Variants in PTGER3 observed in about 807,000 individuals in gnomAD.
PTGER3 encodes the protein prostaglandin E2 receptor EP3 subtype.
PTGER3 carries 22 observed loss-of-function variants against 34.7 expected under a neutral mutation model. That is an observed-to-expected ratio of 0.63 (90% CI 0.45 to 0.91). PTGER3 has a LOEUF of 0.91. Ranked by LOEUF, PTGER3 falls within the 40% of genes least tolerant of loss-of-function variation. The pLI is 0.00. For missense variants in PTGER3, 468 were observed against 519.4 expected (o/e 0.90, Z 0.96); for synonymous variants, 241 against 230.1 (o/e 1.05, Z -0.43).
chr1:70,909,288 G>A (rs372308166), intron 4 of PTGER3, among the ~76,000 whole-genome samples: 15 of 152,142 alleles, frequency 9.9e-5, no homozygotes, highest in East Asian at 3.8e-4. Context: ...ATTTCTGTGC[G>A]TGTTAACCAT....
intron 2 of PTGER3, chr1:71,007,698 T>C: frequency 1.0e-6 from 1 of 985,380 alleles, no homozygotes; most frequent in Non-Finnish European, 1.2e-6. Flanking sequence ...ATTACAACTT[T>C]GATTTCTACA....
chr1:70,934,702 C>T (rs561788207), intron 4 of PTGER3, among the ~76,000 whole-genome samples: 10 of 152,206 alleles, frequency 6.6e-5, no homozygotes, highest in African/African-American at 2.4e-4. Flanking sequence ...CAGAGATTTG[C>T]CTACCTCAAT....
intron 4 of PTGER3, among the ~76,000 whole-genome samples, chr1:70,890,649 T>C (rs1288074978): frequency 6.6e-6 from 1 of 152,178 alleles, no homozygotes; most frequent in Non-Finnish European, 1.5e-5. Context: ...TAAATATTTA[T>C]CTCCACAGAC....
chr1:70,960,586 A>G (rs969667474), intron 2 of PTGER3, among the ~76,000 whole-genome samples: 3 of 152,152 alleles, frequency 2.0e-5, no homozygotes, highest in Admixed American at 2.0e-4. Flanking sequence ...GAGAAATGAG[A>G]GACCATACTA....
intron 2 of PTGER3, among the ~76,000 whole-genome samples, chr1:70,958,747 T>C (rs1651616274): frequency 6.6e-6 from 1 of 152,212 alleles, no homozygotes; most frequent in Admixed American, 6.5e-5. Context: ...CAAAAAACCT[T>C]TTCCCAGTTC....
At chr1:70,882,045 C>T (rs1646401986) in intron 4 of PTGER3, among the ~76,000 whole-genome samples, 1 of 152,158 alleles carries the variant, frequency 6.6e-6, no homozygotes, top group African/African-American at 2.4e-5. Context: ...ATTGGAAACT[C>T]TGGCAAGCAT....
At chr1:71,040,381 C>G (rs11209743) in intron 1 of PTGER3, among the ~76,000 whole-genome samples, 54,136 of 151,878 alleles carry the variant, frequency 0.36, 10,695 homozygotes, top group Non-Finnish European at 0.45. Context: ...GCGAGAGGAT[C>G]ACAGGAGGAC....
chr1:71,020,256 A>G (rs796329256), intron 1 of PTGER3, among the ~76,000 whole-genome samples: 9 of 133,188 alleles, frequency 6.8e-5, no homozygotes, highest in African/African-American at 2.3e-4. Context: ...TAAACAGCTC[A>G]TAAACATTAA....
intron 1 of PTGER3, among the ~76,000 whole-genome samples, chr1:71,044,735 C>A (rs905984424): frequency 2.6e-5 from 4 of 152,056 alleles, no homozygotes; most frequent in Non-Finnish European, 5.9e-5. Context: ...TACATGGCTT[C>A]GCTTTGACTT....
At chr1:70,986,208 A>C (rs1654895997) in intron 2 of PTGER3, among the ~76,000 whole-genome samples, 1 of 152,170 alleles carries the variant, frequency 6.6e-6, no homozygotes, top group South Asian at 2.1e-4. Flanking sequence ...TTTGTTTAGC[A>C]TATCATCAAG....
chr1:70,867,906 G>A (rs1420521865), intron 4 of PTGER3, among the ~76,000 whole-genome samples: 1 of 152,086 alleles, frequency 6.6e-6, no homozygotes, highest in Non-Finnish European at 1.5e-5. Flanking sequence ...TGCTTAGATT[G>A]CAAACAGACA....
chr1:71,007,445 A>G lies in PTGER3; in HGVS notation c.1077+4860T>C, dbSNP rs759741466. On this transcript the variant is annotated intron_variant, in intron 2 of 3. Transcript: ENST00000306666. The stretch of plus-strand genomic sequence containing the variant: ...GTGAACTTATCATTTGCTTTGACAG[A>G]CAAGACCCCTGGCCACTCAGTAGTA... The G allele has an allele frequency of 3.1e-5, 31 of 985,448 alleles. No homozygotes were observed. In the South Asian group the frequency reaches 3.8e-4, roughly 12 times the overall value. 61.0% of individuals were successfully genotyped at this position (985,448 alleles called of 1,614,324 possible).
chr1:70,952,761 T>G, exon 4 of PTGER3: 2 of 1,302,160 alleles, frequency 1.5e-6, no homozygotes, highest in Non-Finnish European at 2.0e-6. Context: ...TTTGCCCAAA[T>G]GACCTGGCTT....
At chr1:70,952,709 T>A (rs1167802478) in exon 4 of PTGER3, 1 of 1,234,044 alleles carries the variant, frequency 8.1e-7, no homozygotes, top group Non-Finnish European at 1.0e-6. Flanking sequence ...GTAGTTCGAG[T>A]GACCAACCAG....
chr1:70,897,201 GTATGT>G (rs1203160982), intron 4 of PTGER3, among the ~76,000 whole-genome samples: 16 of 152,262 alleles, frequency 1.1e-4, no homozygotes, highest in Non-Finnish European at 1.8e-4. Context: ...GGACAGTGAG[GTATGT>G]TTTATCTGAT....
At chr1:70,957,815 T>G (rs1476203003) in intron 2 of PTGER3, among the ~76,000 whole-genome samples, 1 of 152,188 alleles carries the variant, frequency 6.6e-6, no homozygotes, top group African/African-American at 2.4e-5. Flanking sequence ...TAATTTAACG[T>G]TGCAGCAATT....
chr1:70,875,205 G>C (rs1411350666), intron 4 of PTGER3, among the ~76,000 whole-genome samples: 1 of 152,184 alleles, frequency 6.6e-6, no homozygotes, highest in Non-Finnish European at 1.5e-5. Context: ...ATGAGACATG[G>C]GTTTGCAATG....
At chr1:70,874,489 G>T (rs1057195246) in intron 4 of PTGER3, among the ~76,000 whole-genome samples, 2 of 151,988 alleles carry the variant, frequency 1.3e-5, no homozygotes, top group Non-Finnish European at 2.9e-5. Flanking sequence ...TGTTTCATTT[G>T]TTTTTATGTC....
chr1:70,983,328 T>C (rs1276286513), intron 2 of PTGER3, among the ~76,000 whole-genome samples: 4 of 151,958 alleles, frequency 2.6e-5, no homozygotes, highest in African/African-American at 9.7e-5. Flanking sequence ...ATTGGGGATA[T>C]TTGGAAACAT....
Sources: allele counts gnomAD v4.1 joint callset (sites outside exome capture counted in the v4.1 genomes callset), GRCh38; gene constraint gnomAD v4.1.1; transcripts MANE v1.5; gene names NCBI Gene and HGNC (gene_info 2026-07-23, HGNC 2026-07-21).